Variants in GSE1 observed in about 807,000 individuals in gnomAD.
GSE1 encodes the protein genetic suppressor element 1.
A neutral mutation model predicts 112.6 loss-of-function variants in GSE1; 32 were observed. The ratio of observed to expected loss-of-function variants is 0.28; its 90% CI spans 0.21 to 0.38. The LOEUF (loss-of-function observed/expected upper bound fraction) is 0.38. Ranked by LOEUF, GSE1 falls within the 10% of genes least tolerant of loss-of-function variation. The pLI is 1.00. For synonymous variants in GSE1, 1,115 were observed against 735.6 expected (o/e 1.52, Z -8.35); for missense variants, 2,348 against 1,699.2 (o/e 1.38, Z -6.71).
intron 2 of GSE1, among the ~76,000 whole-genome samples, chr16:85,414,533 C>A (rs1003944309): frequency 6.6e-6 from 1 of 152,238 alleles, no homozygotes; most frequent in Non-Finnish European, 1.5e-5. Flanking sequence ...CCAACACCCA[C>A]GCTCAGAAAC....
chr16:85,340,496 C>G (rs1162245092), intron 1 of GSE1, among the ~76,000 whole-genome samples: 2 of 152,148 alleles, frequency 1.3e-5, no homozygotes, highest in Admixed American at 6.5e-5. Context: ...AAAAAATTAG[C>G]TGGGTGTGGT....
Position 85,656,426 on chromosome 16 carries a change from A to C in GSE1, c.1073A>C (p.Glu358Ala), listed in dbSNP as rs749427281. ...GAGCGTGAGGCTGACCGCGAGCGGGAGAAGGAACGTGAGCGCGAACGCGAG... is the reference window on the plus strand; with the variant it reads ...GAGCGTGAGGCTGACCGCGAGCGGGCGAAGGAACGTGAGCGCGAACGCGAG... ...EREREADRER[E>A]KEREREREKE... is the part of the protein sequence containing the mutation. The change falls in exon 7 of 16, where the codon GAG becomes GCG. Residue 358 changes from glutamate to alanine, a missense_variant. Glu to Ala is a moderately radical substitution (Grantham distance 107). Transcript: ENST00000253458. 1.3e-6 allele frequency: 2 copies of C among 1,575,002 alleles called. No individual in the cohort carries two copies. Among genetic ancestry groups the C allele is most frequent in the Non-Finnish European group, 1.7e-6 (2 of 1,157,374 alleles).
chr16:85,524,350 T>A (rs903411561), intron 2 of GSE1, among the ~76,000 whole-genome samples: 5 of 152,052 alleles, frequency 3.3e-5, no homozygotes, highest in Admixed American at 3.3e-4. Flanking sequence ...GGAAAGGAAC[T>A]CTGCCTCTCT....
In GSE1 at chr16:85,270,797, C is replaced by G. The variant is rs1042084733; in HGVS notation, c.2284-86666C>G. Reference sequence around the variant, plus strand: ...AGGTTCCTTATGAGGTCTCGCCATCCACTCGGGAAAGAGCAGTTTCTAAAT... The same window carrying G: ...AGGTTCCTTATGAGGTCTCGCCATCGACTCGGGAAAGAGCAGTTTCTAAAT... On this transcript the variant is annotated intron_variant, in intron 1 of 2. Transcript: ENST00000637419. 4.8e-4 allele frequency among the ~76,000 whole-genome samples: 73 copies of G among 152,212 alleles called. 1 individual carries two copies. The highest frequency in any genetic ancestry group is 1.7e-3 in the African/African-American group (70 of 41,538).
At chr16:85,517,895 C>T (rs933278720) in intron 2 of GSE1, among the ~76,000 whole-genome samples, 3 of 152,238 alleles carry the variant, frequency 2.0e-5, no homozygotes, top group African/African-American at 4.8e-5. Context: ...GCGTGTGCCC[C>T]GTCAGTGTGT....
chr16:85,464,713 C>T (rs550792135), intron 2 of GSE1, among the ~76,000 whole-genome samples: 50 of 152,362 alleles, frequency 3.3e-4, no homozygotes, highest in African/African-American at 1.2e-3. Flanking sequence ...TCCTCTGCCA[C>T]ACCAACTCCC....
chr16:85,526,216 G>C (rs1009354096), intron 2 of GSE1, among the ~76,000 whole-genome samples: 1 of 152,214 alleles, frequency 6.6e-6, no homozygotes, highest in African/African-American at 2.4e-5. Flanking sequence ...TGTGTGCCAG[G>C]CCCAGCTCCT....
intron 1 of GSE1, among the ~76,000 whole-genome samples, chr16:85,266,271 A>G (rs1292262596): frequency 1.3e-5 from 2 of 152,168 alleles, no homozygotes; most frequent in Non-Finnish European, 2.9e-5. Flanking sequence ...TCTCTCTAGG[A>G]AAACTCTAGC....
intron 1 of GSE1, among the ~76,000 whole-genome samples, chr16:85,268,981 GA>G (rs1908552994): frequency 7.7e-6 from 1 of 129,930 alleles, no homozygotes; most frequent in Admixed American, 7.5e-5. Flanking sequence ...GGAGGCTGCA[GA>G]AAATGCCAGG....
chr16:85,248,980 G>A (rs1227026150), intron 1 of GSE1, among the ~76,000 whole-genome samples: 2 of 152,336 alleles, frequency 1.3e-5, no homozygotes, highest in African/African-American at 2.4e-5. Context: ...CAAGAGTGAG[G>A]AACTTGGGGC....
At chr16:85,644,179 C>A (rs955292036) in intron 2 of GSE1, among the ~76,000 whole-genome samples, 10 of 152,066 alleles carry the variant, frequency 6.6e-5, no homozygotes, top group Non-Finnish European at 1.5e-4. Context: ...AACAAACAAA[C>A]AAACAAAAAA....
intron 1 of GSE1, among the ~76,000 whole-genome samples, chr16:85,630,199 C>A (rs746982875): frequency 6.3e-4 from 96 of 152,180 alleles, no homozygotes; most frequent in Non-Finnish European, 1.0e-3. Context: ...CCAAGAGGGC[C>A]AGGAAGGAGG....
rs116216948 is a variant in GSE1 at position 85,648,084 on chromosome 16, C to T, written c.227-468C>T. The stretch of plus-strand genomic sequence containing the variant: ...CGGTGGGGCAGGGTGTGTGGCCCAG[C>T]TGGCCTGTGTGTCCTGGGATGTCCA... On this transcript the variant is annotated intron_variant, in intron 2 of 15. Coordinates refer to ENST00000253458, the MANE Select transcript of GSE1 (RefSeq NM_014615.5). Among the ~76,000 whole-genome samples the T allele has an allele frequency of 4.6e-3, 696 of 152,096 alleles. 7 individuals carry two copies. The highest frequency in any genetic ancestry group is 0.016 in the African/African-American group (654 of 41,494).
chr16:85,337,923 G>C (rs931592496), intron 1 of GSE1, among the ~76,000 whole-genome samples: 2 of 152,270 alleles, frequency 1.3e-5, no homozygotes, highest in African/African-American at 4.8e-5. Context: ...GCAGGACCCA[G>C]CCTGGAGTTG....
In GSE1 at chr16:85,419,303, G is replaced by A. The variant is rs1288415520; in HGVS notation, c.2464+61660G>A. ...ACCTCAGGAGGCAACATTTAGAGTC[G>A]GGGTCAGGGTTTGAGAATATACCAG... On this transcript the variant is annotated intron_variant, in intron 2 of 2. Coordinates refer to the GSE1 transcript ENST00000637419. This position sits in a 1 kb window ranked among gnomAD's most constrained non-coding sequence, Gnocchi z 6.5. 6.6e-6 allele frequency among the ~76,000 whole-genome samples: 1 copy of A among 152,144 alleles called. No individual in the cohort carries two copies. The highest frequency in any genetic ancestry group is 1.5e-5 in the Non-Finnish European group (1 of 68,020).
At chr16:85,384,030 G>A (rs554671714) in intron 2 of GSE1, among the ~76,000 whole-genome samples, 63 of 152,314 alleles carry the variant, frequency 4.1e-4, no homozygotes, top group Non-Finnish European at 7.3e-4. Flanking sequence ...TCAGGCCAGT[G>A]ATCACATCCA....
chr16:85,654,136 G>T, intron 3 of GSE1, 142 bp from the exon 4 acceptor site: 1 of 739,234 alleles, frequency 1.4e-6, no homozygotes, highest in Non-Finnish European at 2.2e-6. Flanking sequence ...ACCATGTTTT[G>T]CGTAGAAAGC....
At chr16:85,528,480 A>ATTTT (rs11388377) in intron 2 of GSE1, among the ~76,000 whole-genome samples, 43 of 144,268 alleles carry the variant, frequency 3.0e-4, no homozygotes, top group Non-Finnish European at 5.1e-4. Context: ...CCCCCGGCTA[A>ATTTT]TTTTTTTTTT....
At chr16:85,220,718 C>T (rs921485999) in intron 1 of GSE1, among the ~76,000 whole-genome samples, 8 of 152,180 alleles carry the variant, frequency 5.3e-5, no homozygotes, top group Middle Eastern at 3.2e-3. Context: ...CGTGCTCTCT[C>T]GCGCTCTCTG....
Sources: gnomAD v4.1 joint callset for allele counts (sites outside exome capture counted in the v4.1 genomes callset) on GRCh38, gnomAD v4.1.1 for gene constraint, Gnocchi (gnomAD v3.1) non-coding constraint, MANE v1.5 for transcripts, NCBI Gene and HGNC (gene_info 2026-07-23, HGNC 2026-07-21) for gene names.